The following ARID1B variants were observed in gnomAD, a reference collection of about 807,000 sequenced individuals.
The protein encoded by ARID1B is AT-rich interaction domain 1B.
ARID1B carries 30 observed loss-of-function variants against 212.3 expected under a neutral mutation model. The ratio of observed to expected loss-of-function variants is 0.14; its 90% CI spans 0.11 to 0.19. The LOEUF (loss-of-function observed/expected upper bound fraction) is 0.19, where lower values mean the gene tolerates loss of function less well. ARID1B is among the 10% of genes least tolerant of loss of function. The pLI is 1.00. For synonymous variants in ARID1B, 1,402 were observed against 1,301.7 expected, an observed-to-expected ratio of 1.08 and a Z score of -1.66; for missense variants, 2,891 against 3,204.0, an observed-to-expected ratio of 0.90 and a Z score of 2.36.
At chr6:157,132,898 A>G in intron 6 of ARID1B, 130 bp from the exon 7 acceptor site, 1 of 1,031,372 alleles carries the variant, frequency 9.7e-7, no homozygotes, top group Non-Finnish European at 1.4e-6. Flanking sequence ...GTCTTTAGCT[A>G]TTTTTTAGGA....
chr6:157,002,128 A>ACT (rs1778948722), intron 4 of ARID1B, among the ~76,000 whole-genome samples: 1 of 152,208 alleles, frequency 6.6e-6, no homozygotes, highest in African/African-American at 2.4e-5. Context: ...AGAACTTAGA[A>ACT]AAGTTCCTCC....
intron 8 of ARID1B, among the ~76,000 whole-genome samples, chr6:157,155,452 AAGG>A (rs751574297): frequency 1.4e-4 from 21 of 152,074 alleles, no homozygotes; most frequent in African/African-American, 1.9e-4. Flanking sequence ...GCATCAGAAG[AAGG>A]AGAAGTCTCA....
intron 1 of ARID1B, among the ~76,000 whole-genome samples, chr6:156,786,778 T>C (rs1779661863): frequency 1.3e-5 from 2 of 152,222 alleles, no homozygotes; most frequent in African/African-American, 4.8e-5. Context: ...AGACAATAGC[T>C]GGGGTCTGGG....
intron 2 of ARID1B, among the ~76,000 whole-genome samples, chr6:156,874,672 C>T (rs1325847791): frequency 6.6e-6 from 1 of 152,154 alleles, no homozygotes; most frequent in East Asian, 1.9e-4. Context: ...TTACACAAAC[C>T]CCGCCTTCTT....
rs377633743 is a variant in ARID1B at position 157,148,911 on chromosome 6, G to A, written c.3049G>A (p.Ala1017Thr). 14 of 1,612,596 alleles carry A rather than the reference G, an allele frequency of 8.7e-6. No homozygotes were observed. The highest frequency in any genetic ancestry group is 1.7e-5 in the Admixed American group (1 of 59,996). Reference protein sequence around the residue: ...TVNRKAQEAAAAVMQAAANSA... With the variant: ...TVNRKAQEAATAVMQAAANSA... ...GAACCGTAAGGCACAGGAGGCAGCC[G>A]CAGCAGTGATGCAGGCTGCTGCGAA... is the stretch of plus-strand genomic sequence containing the variant. The change falls in exon 8 of 20, where the codon GCA becomes ACA. Residue 1017 changes from alanine to threonine, a missense_variant. By Grantham distance (58) the Ala-to-Thr change is moderately conservative (BLOSUM62 0). Around this residue, in one of 7 missense-constraint regions of ARID1B, gnomAD observed 1,643 missense variants for 1,544.0 expected, o/e 1.06. Transcript: ENST00000636930. This position sits in a 1 kb window ranked among gnomAD's most constrained non-coding sequence, Gnocchi z 5.6.
rs140865884 is a variant in ARID1B, at chr6:156,796,196, A to G, written c.1791+16725A>G. Among the ~76,000 whole-genome samples, 3 of 152,156 alleles carry G rather than the reference A, an allele frequency of 2.0e-5. No individual in the cohort carries two copies. The East Asian group carries it at 5.8e-4, about 29-fold the overall frequency. On this transcript the variant is annotated intron_variant, in intron 1 of 19. Coordinates refer to ENST00000636930, the MANE Select transcript of ARID1B (RefSeq NM_001374828.1). ...CTTGTTTCCTATTTCATAATATTTC[A>G]TCTTGCTTTATTGTTTATGGTAATG...
At chr6:156,905,013 A>G (rs1789246033) in intron 3 of ARID1B, among the ~76,000 whole-genome samples, 1 of 152,162 alleles carries the variant, frequency 6.6e-6, no homozygotes, top group Non-Finnish European at 1.5e-5. Context: ...GTTATGAGTA[A>G]TGTTGAGTGT....
intron 8 of ARID1B, chr6:157,149,398 C>A (rs1481954766): frequency 5.4e-6 from 1 of 184,594 alleles, no homozygotes; most frequent in African/African-American, 2.3e-5. Context: ...ATACAAACTT[C>A]GTATGTATAC....
chr6:157,147,055 C>G (rs1040051819), intron 7 of ARID1B, among the ~76,000 whole-genome samples: 1 of 152,068 alleles, frequency 6.6e-6, no homozygotes, highest in Non-Finnish European at 1.5e-5. Flanking sequence ...GTGCAAAGCA[C>G]TTAACCAAGT....
At chr6:156,961,927 A>G (rs1794406513) in intron 4 of ARID1B, among the ~76,000 whole-genome samples, 2 of 151,966 alleles carry the variant, frequency 1.3e-5, no homozygotes, top group South Asian at 4.2e-4. Context: ...CATAACACTG[A>G]CCCTATTTTT....
intron 2 of ARID1B, among the ~76,000 whole-genome samples, chr6:156,856,321 A>G (rs1784928900): frequency 6.6e-6 from 1 of 152,230 alleles, no homozygotes; most frequent in African/African-American, 2.4e-5. Flanking sequence ...TTCAGGATGC[A>G]TTGAATGATA....
intron 7 of ARID1B, among the ~76,000 whole-genome samples, chr6:157,137,077 AGGCTGACATCAGAG>A (rs1334551523): frequency 4.6e-5 from 7 of 152,044 alleles, no homozygotes; most frequent in Admixed American, 1.3e-4. Flanking sequence ...GCCACGCGGG[AGGCTGACATCAGAG>A]GATCACTTGA....
At position 157,206,275 on chromosome 6, in the gene ARID1B, G is replaced by C. The variant is rs1292719787; in HGVS notation, c.5503G>C (p.Asp1835His). 1.9e-6 allele frequency: 3 copies of C among 1,614,022 alleles called. No individual in the cohort carries two copies. Among genetic ancestry groups the C allele is most frequent in the Non-Finnish European group, 8.5e-7 (1 of 1,180,036 alleles). ...EVGDPSQKAL[D>H]HNAARKDDSQ... ...GGGAGACCCCAGCCAAAAAGCACTT[G>C]ATCACAACGCAGCAAGGAAGGATGA... Residue 1835 changes from aspartate (D) to histidine (H), a missense_variant, in exon 20 of 20, where the codon GAT becomes CAT. Around this residue, in one of 7 missense-constraint regions of ARID1B, gnomAD observed 332 missense variants for 369.2 expected, o/e 0.90. Transcript: ENST00000636930. This position sits in a 1 kb window ranked among gnomAD's most constrained non-coding sequence, Gnocchi z 6.8.
At chr6:156,935,929 C>G (rs1792167372) in intron 4 of ARID1B, 1 of 169,694 alleles carries the variant, frequency 5.9e-6, no homozygotes, top group African/African-American at 2.4e-5. Context: ...GGAGTCAAAA[C>G]TTAAAAGAAA....
chr6:156,913,603 A>C (rs1276675429), intron 3 of ARID1B, among the ~76,000 whole-genome samples: 1 of 152,092 alleles, frequency 6.6e-6, no homozygotes, highest in Non-Finnish European at 1.5e-5. Context: ...CATCTAACTG[A>C]AATTTTGTAT....
intron 3 of ARID1B, among the ~76,000 whole-genome samples, chr6:156,928,661 G>A (rs1791446544): frequency 6.6e-6 from 1 of 152,220 alleles, no homozygotes; most frequent in Admixed American, 6.5e-5. Flanking sequence ...GGGAGAAAGA[G>A]AAGAGCCGGT....
chr6:157,204,341 G>A, intron 19 of ARID1B: 1 of 174,636 alleles, frequency 5.7e-6, no homozygotes, highest in Non-Finnish European at 1.2e-5. Flanking sequence ...AGTTGTGACT[G>A]GAGTCAGCAT....
At chr6:157,064,160 G>A (rs1303048561) in intron 4 of ARID1B, among the ~76,000 whole-genome samples, 1 of 152,174 alleles carries the variant, frequency 6.6e-6, no homozygotes, top group Non-Finnish European at 1.5e-5. Context: ...TCTTTGTCTT[G>A]CAGCACCTCT....
At position 156,778,856 on chromosome 6, in the gene ARID1B, CGGCGGCGGCGGCGGCGGA is replaced by C. The variant is rs1778911886; in HGVS notation, c.1179_1196del (p.Gly397_Gly402del). ...ACAGCCGGCCCGGCGCGGGCGGCGGCGGCGGCGGCGGCGGCGGAGGAGGAGGAGGCAGCGGAGGAGGAG... is the reference window on the plus strand; with the variant it reads ...ACAGCCGGCCCGGCGCGGGCGGCGGCGGAGGAGGAGGCAGCGGAGGAGGAG... On this transcript the variant is annotated inframe_deletion, in exon 1 of 20. Transcript: ENST00000636930. 5 of 1,393,728 alleles carry C rather than the reference CGGCGGCGGCGGCGGCGGA, an allele frequency of 3.6e-6. No homozygotes were observed. Among genetic ancestry groups the C allele is most frequent in the Non-Finnish European group, 2.8e-6 (3 of 1,070,562 alleles). The allele number at this position is 1,393,728 out of a possible 1,614,324, so 86.3% of individuals were successfully genotyped here.
Sources: allele counts gnomAD v4.1 joint callset (sites outside exome capture counted in the v4.1 genomes callset), GRCh38; gene constraint gnomAD v4.1.1; regional missense constraint gnomAD v4.1.1; non-coding constraint Gnocchi (gnomAD v3.1); transcripts MANE v1.5; gene names NCBI Gene and HGNC (gene_info 2026-07-23, HGNC 2026-07-21).